Variants in ASTN2 observed in about 807,000 individuals in gnomAD.
ASTN2 encodes the protein astrotactin 2.
Under a neutral mutation model 139.8 loss-of-function variants are expected in ASTN2, and 54 were observed. That is an observed-to-expected ratio of 0.39 (90% CI 0.31 to 0.48). The LOEUF (loss-of-function observed/expected upper bound fraction) is 0.48. Among genes scored for constraint, ASTN2 ranks in the 20% least tolerant of loss-of-function variants. ASTN2 has a pLI of 0.95. For synonymous variants in ASTN2, 756 were observed against 719.5 expected (o/e 1.05, Z -0.81); for missense variants, 1,565 against 1,725.1 (o/e 0.91, Z 1.64).
At chr9:117,342,202 T>A (rs1829082430) in intron 1 of ASTN2, among the ~76,000 whole-genome samples, 1 of 152,136 alleles carries the variant, frequency 6.6e-6, no homozygotes, top group Non-Finnish European at 1.5e-5. Flanking sequence ...AATAGGACAA[T>A]CAGGTTCAGA....
chr9:116,457,034 C>T (rs1291439179), intron 20 of ASTN2, among the ~76,000 whole-genome samples: 1 of 152,064 alleles, frequency 6.6e-6, no homozygotes, highest in Non-Finnish European at 1.5e-5. Flanking sequence ...ATACAGAACT[C>T]AGAAATAAAT....
At chr9:117,399,202 C>A (rs528286469) in intron 1 of ASTN2, among the ~76,000 whole-genome samples, 1 of 152,000 alleles carries the variant, frequency 6.6e-6, no homozygotes, top group African/African-American at 2.4e-5. Context: ...CAAGAAAGGC[C>A]GACATGCAAT....
intron 1 of ASTN2, among the ~76,000 whole-genome samples, chr9:117,345,449 C>T (rs1260506111): frequency 6.6e-6 from 1 of 152,130 alleles, no homozygotes; most frequent in African/African-American, 2.4e-5. Flanking sequence ...TAGTAAATCA[C>T]TTAATCTTTA....
At chr9:117,331,281 T>A (rs891163985) in intron 1 of ASTN2, among the ~76,000 whole-genome samples, 1 of 152,252 alleles carries the variant, frequency 6.6e-6, no homozygotes, top group African/African-American at 2.4e-5. Context: ...CGAGGTTTCC[T>A]GCCTTCCTCT....
intron 19 of ASTN2, among the ~76,000 whole-genome samples, chr9:116,555,698 A>G (rs1852580778): frequency 6.6e-6 from 1 of 152,134 alleles, no homozygotes; most frequent in African/African-American, 2.4e-5. Flanking sequence ...TGGATTTAAC[A>G]TTCACTGAAC....
At chr9:117,106,770 A>ATATC (rs35855942) in intron 4 of ASTN2, among the ~76,000 whole-genome samples, 8,671 of 152,008 alleles carry the variant, frequency 0.057, 500 homozygotes, top group East Asian at 0.18. Context: ...TTTGTAAAAA[A>ATATC]TATCTATCTA....
At chr9:117,193,606 C>T (rs988106025) in intron 3 of ASTN2, among the ~76,000 whole-genome samples, 2 of 147,680 alleles carry the variant, frequency 1.4e-5, no homozygotes, top group Non-Finnish European at 3.0e-5. Flanking sequence ...CTACTACACA[C>T]TCCAGCCTGG....
At position 116,633,699 on chromosome 9, in the gene ASTN2, C is replaced by A. The variant is rs994071170; in HGVS notation, c.3073-13256G>T. ...TGATGATTTCATTTTTCCAGTACGCCCATTGTCCCTAAGGAGGTATCTGAG... is the reference window on the plus strand; with the variant it reads ...TGATGATTTCATTTTTCCAGTACGCACATTGTCCCTAAGGAGGTATCTGAG... On this transcript the variant is annotated intron_variant, in intron 17 of 22. Transcript: ENST00000313400. Among the ~76,000 whole-genome samples, 12 of 152,210 alleles carry A rather than the reference C, an allele frequency of 7.9e-5. No individual in the cohort carries two copies. The South Asian group carries it at 2.5e-3, about 32-fold the overall frequency.
rs549398577 is a variant in ASTN2 at position 117,408,926 on chromosome 9, G to A, written c.442+5571C>T. 3.9e-5 allele frequency among the ~76,000 whole-genome samples: 6 copies of A among 152,238 alleles called. No individual in the cohort carries two copies. The East Asian group carries it at 5.8e-4, about 15-fold the overall frequency. Reference sequence around the variant, plus strand: ...GAAGTGGGGTAGGGTATGGAGTGAGGGAAGTGAGTGGAAAAGAGTAGAAGA... The same window carrying A: ...GAAGTGGGGTAGGGTATGGAGTGAGAGAAGTGAGTGGAAAAGAGTAGAAGA... On this transcript the variant is annotated intron_variant, in intron 1 of 22. Transcript: ENST00000313400.
intron 1 of ASTN2, among the ~76,000 whole-genome samples, chr9:117,310,269 G>A (rs1827933039): frequency 6.6e-6 from 1 of 152,144 alleles, no homozygotes. Flanking sequence ...CCCCAGGGGT[G>A]GAAGGCTTAC....
rs112377783 is a variant in ASTN2 at position 116,899,987 on chromosome 9, C to T, written c.1890-36254G>A. Among the ~76,000 whole-genome samples the T allele has an allele frequency of 1.0e-3, 159 of 152,308 alleles. 1 individual carries two copies. The highest frequency in any genetic ancestry group is 3.5e-3 in the African/African-American group (144 of 41,570). On this transcript the variant is annotated intron_variant, in intron 10 of 22. Coordinates refer to ENST00000313400, the MANE Select transcript of ASTN2 (RefSeq NM_001365068.1). ...ACAAGATTTAACTCCCTATTCATTT[C>T]ATCCCCAACCCAACAAATCTGCATT...
At chr9:116,496,828 A>G (rs1389463986) in intron 19 of ASTN2, among the ~76,000 whole-genome samples, 2 of 152,186 alleles carry the variant, frequency 1.3e-5, no homozygotes, top group Non-Finnish European at 2.9e-5. Flanking sequence ...TGTGCAGGGG[A>G]ACTGTCCTTT....
intron 12 of ASTN2, among the ~76,000 whole-genome samples, chr9:116,807,169 G>A (rs1831050248): frequency 6.6e-6 from 1 of 152,162 alleles, no homozygotes; most frequent in East Asian, 1.9e-4. Flanking sequence ...TTTTCAAAGG[G>A]TGTAGCAAAG....
At chr9:117,312,915 T>A (rs1828022211) in intron 1 of ASTN2, among the ~76,000 whole-genome samples, 1 of 152,200 alleles carries the variant, frequency 6.6e-6, no homozygotes, top group Non-Finnish European at 1.5e-5. Flanking sequence ...CAAGGCCATG[T>A]GGGTGCCCCT....
chr9:116,893,029 A>G (rs1365031615), intron 10 of ASTN2, among the ~76,000 whole-genome samples: 2 of 152,036 alleles, frequency 1.3e-5, no homozygotes, highest in Non-Finnish European at 2.9e-5. Flanking sequence ...CAAACTCCCA[A>G]CACCTAAAAT....
chr9:117,180,093 A>G (rs1831019934), intron 3 of ASTN2, among the ~76,000 whole-genome samples: 1 of 152,178 alleles, frequency 6.6e-6, no homozygotes, highest in African/African-American at 2.4e-5. Flanking sequence ...CTAGCTCTGC[A>G]TCTCTCTTTT....
intron 20 of ASTN2, among the ~76,000 whole-genome samples, chr9:116,455,348 C>CAAAA (rs34816182): frequency 4.0e-5 from 5 of 123,770 alleles, no homozygotes; most frequent in Non-Finnish European, 6.8e-5. Context: ...GATTCTGTCT[C>CAAAA]AAAAAAAAAA....
intron 2 of ASTN2, among the ~76,000 whole-genome samples, chr9:117,247,866 C>T (rs1199738269): frequency 6.6e-6 from 1 of 152,218 alleles, no homozygotes; most frequent in African/African-American, 2.4e-5. Context: ...AGACATGACT[C>T]ATATATGTGC....
intron 7 of ASTN2, among the ~76,000 whole-genome samples, chr9:116,978,008 C>A (rs544094987): frequency 1.3e-5 from 2 of 152,106 alleles, no homozygotes; most frequent in Admixed American, 1.3e-4. Flanking sequence ...TGAGCCACCA[C>A]GCCTGGCCTA....
Sources: gnomAD v4.1 joint callset for allele counts (sites outside exome capture counted in the v4.1 genomes callset) on GRCh38, gnomAD v4.1.1 for gene constraint, MANE v1.5 for transcripts, NCBI Gene and HGNC (gene_info 2026-07-23, HGNC 2026-07-21) for gene names.